PIGX: variants seen among roughly 807,000 people sequenced by gnomAD.
PIGX encodes the protein phosphatidylinositol glycan anchor biosynthesis class X.
A neutral mutation model predicts 28.7 loss-of-function variants in PIGX; 24 were observed. That is an observed-to-expected ratio of 0.84 (90% CI 0.60 to 1.17). The LOEUF (loss-of-function observed/expected upper bound fraction) is 1.17. Among genes scored for constraint, PIGX ranks in the 50% most tolerant of loss-of-function variants. PIGX has a pLI of 0.00. For synonymous variants in PIGX, 127 were observed against 121.0 expected (o/e 1.05, Z -0.33); for missense variants, 305 against 317.8 (o/e 0.96, Z 0.31).
intron 3 of PIGX, among the ~76,000 whole-genome samples, chr3:196,723,146 A>G (rs2108682025): frequency 6.6e-6 from 1 of 152,306 alleles, no homozygotes; most frequent in Middle Eastern, 3.4e-3. Flanking sequence ...ATTCGAAACC[A>G]GCCTGGGCAA....
intron 3 of PIGX, 104 bp downstream of exon 3, chr3:196,722,660 T>A: frequency 9.9e-7 from 1 of 1,009,938 alleles, no homozygotes; most frequent in Non-Finnish European, 1.5e-6. Flanking sequence ...TTAAAGTGTA[T>A]AAAGTGACAT....
chr3:196,712,523 T>C lies in PIGX; in HGVS notation c.-10T>C. On this transcript the variant is annotated 5_prime_UTR_variant, in exon 1 of 6. Transcript: ENST00000392391. Reference sequence around the variant, plus strand: ...CGCGCGCCCCTCTCGGGCGTCCGGCTTCCGGCGTCCTGGCGGCTCGGGTGG... The same window carrying C: ...CGCGCGCCCCTCTCGGGCGTCCGGCCTCCGGCGTCCTGGCGGCTCGGGTGG... 8.6e-7 allele frequency: 1 copy of C among 1,156,460 alleles called. No homozygotes were observed. Among genetic ancestry groups the C allele is most frequent in the Non-Finnish European group, 1.1e-6 (1 of 937,726 alleles). 71.6% of individuals were successfully genotyped at this position (1,156,460 alleles called of 1,614,324 possible). A position where few individuals can be genotyped will look rare whatever the true frequency, so the allele number is the denominator to read the frequency against.
At chr3:196,728,630 G>A (rs1712620215) in intron 4 of PIGX, 1 of 764,212 alleles carries the variant, frequency 1.3e-6, no homozygotes, top group South Asian at 1.3e-5. Flanking sequence ...TTGACCTGTA[G>A]TTGGTCATAG....
In PIGX at chr3:196,729,205, C is replaced by T. The variant is rs1386311763; in HGVS notation, c.532+1069C>T. Among the ~76,000 whole-genome samples, 7 of 151,690 alleles carry T rather than the reference C, an allele frequency of 4.6e-5. 1 individual carries two copies. The highest frequency in any genetic ancestry group is 4.2e-4 in the South Asian group (2 of 4,802). On this transcript the variant is annotated intron_variant, in intron 4 of 5. Coordinates refer to ENST00000392391, the MANE Select transcript of PIGX (RefSeq NM_017861.4). Reference sequence around the variant, plus strand: ...AAAATTAGCTGGGAGAGGTGGCGGGCGTCTGTAATCCCAGCTACTTGGGAG... The same window carrying T: ...AAAATTAGCTGGGAGAGGTGGCGGGTGTCTGTAATCCCAGCTACTTGGGAG...
intron 5 of PIGX, among the ~76,000 whole-genome samples, chr3:196,732,670 C>A (rs537716636): frequency 6.6e-6 from 1 of 152,178 alleles, no homozygotes; most frequent in African/African-American, 2.4e-5. Flanking sequence ...TTGAAGATGT[C>A]ATTTTTTTGA....
intron 4 of PIGX, among the ~76,000 whole-genome samples, chr3:196,729,596 C>G (rs1009290884): frequency 9.9e-5 from 15 of 150,756 alleles, no homozygotes; most frequent in Non-Finnish European, 1.8e-4. Context: ...ACTATGTTGG[C>G]CAGACTAGTC....
intron 5 of PIGX, among the ~76,000 whole-genome samples, chr3:196,732,118 A>G (rs529368980): frequency 6.7e-6 from 1 of 149,106 alleles, no homozygotes; most frequent in African/African-American, 2.5e-5. Flanking sequence ...GAGCCACCAC[A>G]CCTGACTTCA....
chr3:196,716,363 C>A (rs1259992183), intron 1 of PIGX, among the ~76,000 whole-genome samples: 1 of 152,044 alleles, frequency 6.6e-6, no homozygotes, highest in Non-Finnish European at 1.5e-5. Context: ...TAGAAGTTGC[C>A]AGTATGTATC....
intron 2 of PIGX, chr3:196,721,073 G>T (rs563838810): frequency 2.7e-5 from 7 of 262,036 alleles, no homozygotes; most frequent in Non-Finnish European, 4.4e-5. Context: ...GCTTAGGGTT[G>T]GTTGGCTTCT....
intron 2 of PIGX, among the ~76,000 whole-genome samples, chr3:196,722,045 C>T (rs1712346350): frequency 6.6e-6 from 1 of 152,230 alleles, no homozygotes; most frequent in African/African-American, 2.4e-5. Flanking sequence ...AGGCACCATG[C>T]CTGCCCTCTG....
intron 5 of PIGX, among the ~76,000 whole-genome samples, chr3:196,732,104 G>A (rs923511634): frequency 2.0e-5 from 3 of 150,334 alleles, no homozygotes; most frequent in East Asian, 3.9e-4. Context: ...GGGATTACAG[G>A]CGTGAGCCAC....
chr3:196,712,561 C>T lies in PIGX; in HGVS notation c.29C>T (p.Ala10Val), dbSNP rs1184919013. The T allele has an allele frequency of 8.5e-7, 1 of 1,183,144 alleles. No individual in the cohort carries two copies. Among genetic ancestry groups the T allele is most frequent in the Non-Finnish European group, 1.0e-6 (1 of 956,594 alleles). 73.3% of individuals were successfully genotyped at this position (1,183,144 alleles called of 1,614,324 possible). Residue 10 changes from alanine (A) to valine (V), a missense_variant, in exon 1 of 6, where the codon GCG becomes GTG. By Grantham distance (64) the Ala-to-Val change is moderately conservative. Transcript: ENST00000392391. Reference sequence around the variant, plus strand: ...GCGGCTCGGGTGGCGGCGGTTCGGGCGGCCGCCTGGCTGCTCCTCGGGGCG... The same window carrying T: ...GCGGCTCGGGTGGCGGCGGTTCGGGTGGCCGCCTGGCTGCTCCTCGGGGCG...
At chr3:196,717,014 A>G in intron 2 of PIGX, 93 bp downstream of exon 2, 6 of 783,910 alleles carry the variant, frequency 7.7e-6, no homozygotes, top group Non-Finnish European at 8.5e-6. Flanking sequence ...TAAATTGAAA[A>G]ATCAGGCCAG....
At chr3:196,732,805 GT>G (rs1712868119) in intron 5 of PIGX, among the ~76,000 whole-genome samples, 2 of 152,090 alleles carry the variant, frequency 1.3e-5, no homozygotes, top group African/African-American at 4.8e-5. Context: ...ACATTTTAAT[GT>G]TTTTTAAAAC....
At chr3:196,716,561 C>T (rs890592770) in intron 1 of PIGX, among the ~76,000 whole-genome samples, 2 of 152,114 alleles carry the variant, frequency 1.3e-5, no homozygotes, top group Non-Finnish European at 2.9e-5. Context: ...TAAATTCTTA[C>T]GACAGCTAGT....
chr3:196,731,076 A>G lies in PIGX; in HGVS notation c.617A>G (p.Lys206Arg). ...AATGAGGATATCTGCCAATGGAACAAGATGAAGTATAAATCAGTAAGCTAA... is the reference window on the plus strand; with the variant it reads ...AATGAGGATATCTGCCAATGGAACAGGATGAAGTATAAATCAGTAAGCTAA... The change falls in exon 5 of 6, where the codon AAG (lysine) becomes AGG (arginine). Residue 206 changes from lysine to arginine, a missense_variant. Transcript: ENST00000392391. 1 of 1,586,868 alleles carries G rather than the reference A, an allele frequency of 6.3e-7. No individual in the cohort carries two copies. The highest frequency in any genetic ancestry group is 2.2e-5 in the East Asian group (1 of 44,728).
Position 196,733,662 on chromosome 3 carries a change from C to T in PIGX, c.634-97C>T, listed in dbSNP as rs1321419299. 2 of 855,704 alleles carry T rather than the reference C, an allele frequency of 2.3e-6. No individual in the cohort carries two copies. The highest frequency in any genetic ancestry group is 2.3e-4 in the Middle Eastern group (1 of 4,366). The allele number at this position is 855,704 out of a possible 1,614,324, so 53.0% of individuals were successfully genotyped here. The stretch of plus-strand genomic sequence containing the variant: ...TCCTGACCTCAAGCGATCTGCCCGC[C>T]TTGGCCTCCCGAAGTGCTGGGATTA... On this transcript the variant is annotated intron_variant, in intron 5 of 5. Transcript: ENST00000392391. The surrounding 1 kb of genome is among the most constrained non-coding windows in gnomAD (Gnocchi z 4.3).
chr3:196,728,212 C>A, intron 4 of PIGX, 76 bp downstream of exon 4: 1 of 1,230,162 alleles, frequency 8.1e-7, no homozygotes, highest in Non-Finnish European at 1.2e-6. Flanking sequence ...TTCTGCTAGG[C>A]TGGCTGGCAA....
At chr3:196,726,218 A>G (rs1159503410) in intron 3 of PIGX, among the ~76,000 whole-genome samples, 2 of 152,094 alleles carry the variant, frequency 1.3e-5, no homozygotes, top group Admixed American at 6.5e-5. Flanking sequence ...TTGAGCCTAG[A>G]TGGTTGAGAC....
Sources: gnomAD v4.1 joint callset for allele counts (sites outside exome capture counted in the v4.1 genomes callset) on GRCh38, gnomAD v4.1.1 for gene constraint, Gnocchi (gnomAD v3.1) non-coding constraint, MANE v1.5 for transcripts, NCBI Gene and HGNC (gene_info 2026-07-23, HGNC 2026-07-21) for gene names.